Variants in ADGRB3 observed in about 807,000 individuals in gnomAD.
ADGRB3 encodes brain-specific angiogenesis inhibitor 3.
In ADGRB3, 37 loss-of-function variants were observed where a neutral mutation model predicts 193.4. The observed-to-expected ratio is 0.19, with a 90% confidence interval of 0.15 to 0.25. The LOEUF is 0.25. Ranked by LOEUF, ADGRB3 falls within the 10% of genes least tolerant of loss-of-function variation. The pLI is 1.00. For synonymous variants in ADGRB3, 690 were observed against 644.2 expected, an observed-to-expected ratio of 1.07 and a Z score of -1.08; for missense variants, 1,637 against 1,852.9, an observed-to-expected ratio of 0.88 and a Z score of 2.14.
Position 68,974,800 on chromosome 6 carries a change from G to A in ADGRB3, c.1563G>A (p.Ser521=), listed in dbSNP as rs139424513. ...YEICPEDYLM[S]MVWKRTPAGD... ...TATGCCCTGAGGATTATCTGATGTC[G>A]ATGGTGTGGAAAAGAACTCCAGCAG... Residue 521 remains serine (S), a synonymous_variant, in exon 9 of 32, where the codon TCG becomes TCA. Coordinates refer to ENST00000370598, the MANE Select transcript of ADGRB3 (RefSeq NM_001704.3). 6.4e-5 allele frequency: 103 copies of A among 1,613,804 alleles called. No individual in the cohort carries two copies. The highest frequency in any genetic ancestry group is 1.7e-4 in the African/African-American group (13 of 74,852).
Position 69,263,391 on chromosome 6 carries a change from G to T in ADGRB3, c.2814+24165G>T, listed in dbSNP as rs141352944. On this transcript the variant is annotated intron_variant, in intron 20 of 31. Coordinates refer to ENST00000370598, the MANE Select transcript of ADGRB3 (RefSeq NM_001704.3). ...CATGATGGTAAGAAGAGATATTTTCGCATGATGGCACCTAAATGACTTTTG... is the reference window on the plus strand; with the variant it reads ...CATGATGGTAAGAAGAGATATTTTCTCATGATGGCACCTAAATGACTTTTG... Among the ~76,000 whole-genome samples, 19 of 151,940 alleles carry T rather than the reference G, an allele frequency of 1.3e-4. No homozygotes were observed. In the East Asian group the frequency reaches 2.7e-3, roughly 22 times the overall value.
At chr6:69,285,700 T>G (rs1265917952) in intron 20 of ADGRB3, among the ~76,000 whole-genome samples, 5 of 151,802 alleles carry the variant, frequency 3.3e-5, no homozygotes, top group African/African-American at 1.2e-4. Flanking sequence ...AATAAAATAG[T>G]ACTATCATTG....
chr6:68,935,744 G>A (rs1283606395), intron 4 of ADGRB3, among the ~76,000 whole-genome samples: 6 of 151,916 alleles, frequency 3.9e-5, no homozygotes, highest in African/African-American at 9.7e-5. Flanking sequence ...AAAGAAATTC[G>A]ACATAGTTTT....
intron 3 of ADGRB3, among the ~76,000 whole-genome samples, chr6:68,922,800 A>G (rs556490296): frequency 2.0e-5 from 3 of 152,264 alleles, no homozygotes; most frequent in African/African-American, 7.2e-5. Flanking sequence ...TCCCAGTTAA[A>G]ATGGTCTTAA....
intron 3 of ADGRB3, among the ~76,000 whole-genome samples, chr6:68,767,342 A>G (rs1187408876): frequency 6.6e-6 from 1 of 152,182 alleles, no homozygotes; most frequent in Non-Finnish European, 1.5e-5. Context: ...CTTATCCACC[A>G]TGATCAAGTC....
chr6:69,328,186 A>G (rs1374159229), intron 22 of ADGRB3, among the ~76,000 whole-genome samples: 1 of 152,168 alleles, frequency 6.6e-6, no homozygotes, highest in African/African-American at 2.4e-5. Context: ...TGAGAACTGG[A>G]TAAGTCTTGA....
chr6:69,110,216 G>A (rs913944036), intron 17 of ADGRB3, among the ~76,000 whole-genome samples: 2 of 152,072 alleles, frequency 1.3e-5, no homozygotes, highest in African/African-American at 2.4e-5. Flanking sequence ...AAAGTGCTGG[G>A]ATTATAGGCA....
intron 3 of ADGRB3, among the ~76,000 whole-genome samples, chr6:68,762,786 C>T (rs1052961631): frequency 1.3e-5 from 2 of 152,022 alleles, no homozygotes; most frequent in Non-Finnish European, 2.9e-5. Context: ...AACAATAGCA[C>T]CTATCATTTG....
At chr6:68,826,835 G>A (rs765377886) in intron 3 of ADGRB3, among the ~76,000 whole-genome samples, 2 of 152,180 alleles carry the variant, frequency 1.3e-5, no homozygotes, top group Non-Finnish European at 2.9e-5. Flanking sequence ...TGACTACATT[G>A]TTTTGGCCTG....
At chr6:69,132,365 C>T (rs1774034767) in intron 17 of ADGRB3, among the ~76,000 whole-genome samples, 1 of 152,182 alleles carries the variant, frequency 6.6e-6, no homozygotes, top group Non-Finnish European at 1.5e-5. Flanking sequence ...TTGCATTTCT[C>T]TTATGACCAG....
intron 20 of ADGRB3, among the ~76,000 whole-genome samples, chr6:69,280,374 G>T (rs1329568592): frequency 1.3e-5 from 2 of 152,142 alleles, no homozygotes; most frequent in Admixed American, 6.5e-5. Context: ...ATTTCAGTCT[G>T]TGTCTTCCTG....
chr6:69,358,132 A>T (rs1286767525), intron 28 of ADGRB3, among the ~76,000 whole-genome samples: 1 of 151,944 alleles, frequency 6.6e-6, no homozygotes, highest in Non-Finnish European at 1.5e-5. Context: ...ATAAGAGCAG[A>T]CAGGTTTGTC....
At chr6:69,137,078 A>AGATTTTTTTG (rs1774173771) in intron 17 of ADGRB3, among the ~76,000 whole-genome samples, 1 of 121,464 alleles carries the variant, frequency 8.2e-6, no homozygotes. Context: ...TTTTTTTTTA[A>AGATTTTTTTG]TGGTAAGATC....
chr6:69,040,134 T>C (rs1294734378), intron 13 of ADGRB3, among the ~76,000 whole-genome samples: 1 of 152,182 alleles, frequency 6.6e-6, no homozygotes, highest in Non-Finnish European at 1.5e-5. Flanking sequence ...GCTGGGTAGC[T>C]ATTGTTGCAG....
At chr6:69,349,482 T>TG (rs1351716979) in intron 26 of ADGRB3, among the ~76,000 whole-genome samples, 49 of 141,228 alleles carry the variant, frequency 3.5e-4, no homozygotes, top group Non-Finnish European at 7.4e-4. Flanking sequence ...TTGACTTTGC[T>TG]ATCAGCAAAG....
rs868565992 is a variant in ADGRB3 at position 68,746,007 on chromosome 6, A to G, written c.757+106575A>G. The stretch of plus-strand genomic sequence containing the variant: ...TATTTATTGCAAAATTGCTACAGTA[A>G]ACAACTGTAAAAATTTTCTCATGGA... On this transcript the variant is annotated intron_variant, in intron 3 of 31. Coordinates refer to ENST00000370598, the MANE Select transcript of ADGRB3 (RefSeq NM_001704.3). 3.9e-5 allele frequency among the ~76,000 whole-genome samples: 6 copies of G among 152,208 alleles called. 1 individual carries two copies. In the South Asian group the frequency reaches 1.2e-3, roughly 32 times the overall value.
At chr6:68,708,867 T>C (rs1359483595) in intron 3 of ADGRB3, among the ~76,000 whole-genome samples, 4 of 152,212 alleles carry the variant, frequency 2.6e-5, no homozygotes, top group Non-Finnish European at 5.9e-5. Flanking sequence ...TTTTCATTAA[T>C]GTCGACACCT....
intron 20 of ADGRB3, among the ~76,000 whole-genome samples, chr6:69,312,064 C>G (rs1237146258): frequency 6.6e-6 from 1 of 151,820 alleles, no homozygotes; most frequent in East Asian, 2.0e-4. Flanking sequence ...TGTGGAGCTT[C>G]CATTTCACTT....
chr6:69,038,503 T>C (rs1770940596), intron 13 of ADGRB3, among the ~76,000 whole-genome samples: 1 of 152,226 alleles, frequency 6.6e-6, no homozygotes, highest in Non-Finnish European at 1.5e-5. Flanking sequence ...ATTTCCCATA[T>C]TGATTTGTTT....
Sources: gnomAD v4.1 joint callset for allele counts (sites outside exome capture counted in the v4.1 genomes callset) on GRCh38, gnomAD v4.1.1 for gene constraint, MANE v1.5 for transcripts, NCBI Gene and HGNC (gene_info 2026-07-23, HGNC 2026-07-21) for gene names.